Variants in NPEPPS observed in about 807,000 individuals in gnomAD.
NPEPPS encodes the protein puromycin-sensitive aminopeptidase.
A neutral mutation model predicts 115.5 loss-of-function variants in NPEPPS; 14 were observed. The observed-to-expected ratio is 0.12, with a 90% CI of 0.08 to 0.19. The LOEUF (loss-of-function observed/expected upper bound fraction) is 0.19, where lower values mean the gene tolerates loss of function less well. Ranked by LOEUF, NPEPPS falls within the 10% of genes least tolerant of loss-of-function variation. The pLI is 1.00. For missense variants in NPEPPS, 523 were observed against 1,110.8 expected (o/e 0.47, Z 7.52); for synonymous variants, 285 against 390.6 (o/e 0.73, Z 3.19).
rs1914685169 is a variant in NPEPPS at position 47,622,997 on chromosome 17, C to T, written c.*1077C>T. 2.3e-6 allele frequency: 1 copy of T among 434,836 alleles called. No homozygotes were observed. The highest frequency in any genetic ancestry group is 4.6e-6 in the Non-Finnish European group (1 of 219,634). The allele number at this position is 434,836 out of a possible 1,614,324, so 26.9% of individuals were successfully genotyped here. A position where few individuals can be genotyped will look rare whatever the true frequency, so the allele number is the denominator to read the frequency against. ...AAAGACTGTAAGCCTGTGTGTGCCA[C>T]TGTTTGCTTCAACAGTATATCCTAA... is the stretch of plus-strand genomic sequence containing the variant. On this transcript the variant is annotated 3_prime_UTR_variant, in exon 23 of 23. Coordinates refer to ENST00000322157, the MANE Select transcript of NPEPPS (RefSeq NM_006310.4).
chr17:47,532,164 G>T (rs1907844721), intron 1 of NPEPPS, among the ~76,000 whole-genome samples: 1 of 151,974 alleles, frequency 6.6e-6, no homozygotes, highest in African/African-American at 2.4e-5. Context: ...CCAGCCCAGG[G>T]GCTGGGTTTC....
chr17:47,598,401 G>A (rs1332838210), intron 13 of NPEPPS, among the ~76,000 whole-genome samples: 1 of 152,160 alleles, frequency 6.6e-6, no homozygotes, highest in Non-Finnish European at 1.5e-5. Flanking sequence ...TTGAGCACAG[G>A]AGGTGTGAAG....
intron 12 of NPEPPS, among the ~76,000 whole-genome samples, chr17:47,594,407 C>T (rs1407785987): frequency 7.2e-6 from 1 of 137,974 alleles, no homozygotes; most frequent in Non-Finnish European, 1.5e-5. Flanking sequence ...TGATTCTTTT[C>T]AATTCTTTTT....
At chr17:47,525,133 T>C (rs1357123984) in intron 1 of NPEPPS, among the ~76,000 whole-genome samples, 1 of 152,044 alleles carries the variant, frequency 6.6e-6, no homozygotes, top group Non-Finnish European at 1.5e-5. Flanking sequence ...GTATGGAGCA[T>C]ATGTTAGGTG....
intron 3 of NPEPPS, among the ~76,000 whole-genome samples, chr17:47,576,306 A>G (rs1911517729): frequency 1.3e-5 from 2 of 152,214 alleles, no homozygotes; most frequent in South Asian, 4.1e-4. Flanking sequence ...AAAAGTGGTG[A>G]CACATGGCGA....
intron 3 of NPEPPS, among the ~76,000 whole-genome samples, chr17:47,574,987 A>G (rs1041283043): frequency 6.6e-6 from 1 of 152,258 alleles, no homozygotes; most frequent in Non-Finnish European, 1.5e-5. Context: ...CCAAGGTAAC[A>G]TAGCTAGTAA....
chr17:47,576,716 G>A (rs933193614), intron 3 of NPEPPS, among the ~76,000 whole-genome samples: 26 of 151,940 alleles, frequency 1.7e-4, no homozygotes, highest in African/African-American at 5.8e-4. Flanking sequence ...CTTTATAAAC[G>A]AGCTTGATAT....
chr17:47,538,283 C>T (rs77478212), intron 1 of NPEPPS, among the ~76,000 whole-genome samples: 25,296 of 138,182 alleles, frequency 0.18, 2,911 homozygotes, highest in Admixed American at 0.31. Flanking sequence ...GGTGCGATCT[C>T]GGCTCACTGC....
upstream of NPEPPS, among the ~76,000 whole-genome samples, chr17:47,530,351 GTTTTTTTTTTTTTT>G (rs58886094): frequency 6.8e-3 from 661 of 97,818 alleles, 8 homozygotes; most frequent in African/African-American, 0.026. Flanking sequence ...ATTATTAAAG[GTTTTTTTTTTTTTT>G]TTTTTTTTTG....
chr17:47,562,407 CTTG>C (rs760937212), intron 2 of NPEPPS, among the ~76,000 whole-genome samples: 6 of 152,180 alleles, frequency 3.9e-5, no homozygotes, highest in African/African-American at 1.2e-4. Context: ...CTGATTGCTT[CTTG>C]TTGGTGGGGA....
At chr17:47,526,364 T>A (rs1241655608), upstream of NPEPPS, among the ~76,000 whole-genome samples, 1 of 151,578 alleles carries the variant, frequency 6.6e-6, no homozygotes, top group Non-Finnish European at 1.5e-5. Context: ...AAAAGGTGAG[T>A]GTTGAAGGAA....
At chr17:47,555,421 C>G (rs1009742607) in intron 2 of NPEPPS, among the ~76,000 whole-genome samples, 1 of 149,468 alleles carries the variant, frequency 6.7e-6, no homozygotes, top group Non-Finnish European at 1.5e-5. Flanking sequence ...GATTTTGGCT[C>G]GCCGTAACCT....
intron 15 of NPEPPS, 179 bp from the exon 16 acceptor site, chr17:47,603,736 G>T: frequency 1.7e-5 from 8 of 458,192 alleles, no homozygotes; most frequent in South Asian, 6.2e-5. Context: ...CTTTTCTTTT[G>T]TCTGTGCATT....
chr17:47,604,102 T>C (rs1913388232), intron 16 of NPEPPS, 53 bp downstream of exon 16: 1 of 1,556,966 alleles, frequency 6.4e-7, no homozygotes, highest in African/African-American at 1.4e-5. Flanking sequence ...TAAAAGATTC[T>C]GTTTTTCCTG....
chr17:47,619,554 CAAAA>C (rs879476110), intron 21 of NPEPPS, 179 bp from the exon 22 acceptor site: 1 of 400,942 alleles, frequency 2.5e-6, no homozygotes, highest in Non-Finnish European at 4.5e-6. Flanking sequence ...AACTCCGTCT[CAAAA>C]AAAAAAAAGT....
chr17:47,531,685 G>A, intron 1 of NPEPPS, 130 bp downstream of exon 1: 1 of 1,240,604 alleles, frequency 8.1e-7, no homozygotes, highest in Non-Finnish European at 1.0e-6. Context: ...GCAGGGCGCC[G>A]GGTTCGGCGT....
At chr17:47,599,992 G>A (rs1175775149) in intron 14 of NPEPPS, among the ~76,000 whole-genome samples, 1 of 151,920 alleles carries the variant, frequency 6.6e-6, no homozygotes, top group East Asian at 1.9e-4. Flanking sequence ...CTAATTTTTT[G>A]TATCTTTAGT....
At chr17:47,609,736 C>T (rs1913727881) in intron 17 of NPEPPS, among the ~76,000 whole-genome samples, 1 of 152,200 alleles carries the variant, frequency 6.6e-6, no homozygotes, top group Admixed American at 6.5e-5. Flanking sequence ...CGTGCCTACC[C>T]CACACAGGCA....
intron 1 of NPEPPS, among the ~76,000 whole-genome samples, chr17:47,540,838 G>A (rs547677260): frequency 9.1e-4 from 138 of 152,214 alleles, no homozygotes; most frequent in African/African-American, 3.0e-3. Flanking sequence ...TTAAATAAGT[G>A]CATCTCTAAT....
Sources: gnomAD v4.1 joint callset for allele counts (sites outside exome capture counted in the v4.1 genomes callset) on GRCh38, gnomAD v4.1.1 for gene constraint, MANE v1.5 for transcripts, NCBI Gene and HGNC (gene_info 2026-07-23, HGNC 2026-07-21) for gene names.